Variants in SORCS1 observed in about 807,000 individuals in gnomAD.
SORCS1 encodes the protein VPS10 domain-containing receptor SorCS1.
A neutral mutation model predicts 146.1 loss-of-function variants in SORCS1; 60 were observed. The ratio of observed to expected loss-of-function variants is 0.41; its 90% CI spans 0.33 to 0.51. The LOEUF is 0.51. SORCS1 is among the 20% of genes least tolerant of loss of function. SORCS1 has a pLI of 0.21. For synonymous variants in SORCS1, 637 were observed against 584.0 expected (o/e 1.09, Z -1.31); for missense variants, 1,352 against 1,487.6 (o/e 0.91, Z 1.50).
chr10:106,998,446 G>A (rs1394188237), intron 1 of SORCS1, among the ~76,000 whole-genome samples: 1 of 152,152 alleles, frequency 6.6e-6, no homozygotes, highest in Non-Finnish European at 1.5e-5. Flanking sequence ...ACCTAGGTAG[G>A]GGTGGGATAA....
intron 21 of SORCS1, among the ~76,000 whole-genome samples, chr10:106,614,062 T>C (rs911005257): frequency 4.6e-5 from 7 of 152,176 alleles, no homozygotes; most frequent in African/African-American, 1.4e-4. Context: ...TTTGTTTTCA[T>C]TGATATGTCC....
chr10:106,829,556 T>C lies in SORCS1; in HGVS notation c.726+18A>G, dbSNP rs1948449886. 1.3e-6 allele frequency: 2 copies of C among 1,547,364 alleles called. No homozygotes were observed. Among genetic ancestry groups the C allele is most frequent in the African/African-American group, 1.4e-5 (1 of 74,028 alleles). On this transcript the variant is annotated intron_variant, in intron 3 of 25. Transcript: ENST00000263054. ...GTCACATCATGAATGAGTAGCATGC[T>C]GAATATACATTTCTTACCTTACGCT...
intron 2 of SORCS1, among the ~76,000 whole-genome samples, chr10:106,861,421 T>C (rs902528814): frequency 1.2e-4 from 17 of 146,816 alleles, no homozygotes; most frequent in African/African-American, 4.3e-4. Flanking sequence ...AAAAAAAGAA[T>C]ATGCGAAAAT....
intron 1 of SORCS1, among the ~76,000 whole-genome samples, chr10:107,024,190 AAAAG>A (rs1454152507): frequency 1.9e-4 from 29 of 149,518 alleles, no homozygotes; most frequent in African/African-American, 5.6e-4. Flanking sequence ...AAAAAAAAAA[AAAAG>A]AAGAAGAGAG....
At chr10:106,604,765 T>C (rs1846459033) in intron 23 of SORCS1, among the ~76,000 whole-genome samples, 1 of 152,316 alleles carries the variant, frequency 6.6e-6, no homozygotes, top group Non-Finnish European at 1.5e-5. Flanking sequence ...TACCAGTCTA[T>C]TTAATAGGCC....
At chr10:106,744,206 G>C (rs538933898) in intron 5 of SORCS1, among the ~76,000 whole-genome samples, 1 of 152,112 alleles carries the variant, frequency 6.6e-6, no homozygotes. Flanking sequence ...CTGGGTTCAC[G>C]CCATTCTCCT....
chr10:106,592,709 G>T (rs1224155679), intron 24 of SORCS1, among the ~76,000 whole-genome samples: 2 of 151,760 alleles, frequency 1.3e-5, no homozygotes, highest in East Asian at 3.9e-4. Flanking sequence ...GCCTACAGGG[G>T]GGATGAGAGA....
chr10:106,962,526 C>T (rs1390430923), intron 1 of SORCS1, among the ~76,000 whole-genome samples: 1 of 151,800 alleles, frequency 6.6e-6, no homozygotes, highest in African/African-American at 2.4e-5. Flanking sequence ...AGTATCAAAT[C>T]TCAAAAGAAA....
intron 6 of SORCS1, among the ~76,000 whole-genome samples, chr10:106,721,487 A>T (rs1170729318): frequency 1.3e-5 from 2 of 152,198 alleles, no homozygotes; most frequent in Admixed American, 1.3e-4. Context: ...AAACAAATAA[A>T]AATTCTCAAC....
intron 4 of SORCS1, among the ~76,000 whole-genome samples, chr10:106,762,263 G>A (rs1051864673): frequency 6.6e-6 from 1 of 151,994 alleles, no homozygotes; most frequent in African/African-American, 2.4e-5. Flanking sequence ...AAGATAGACA[G>A]GGACAAGATA....
chr10:106,790,853 T>A (rs1946284233), intron 3 of SORCS1, among the ~76,000 whole-genome samples: 1 of 152,218 alleles, frequency 6.6e-6, no homozygotes, highest in Admixed American at 6.5e-5. Context: ...TTTCATTTAG[T>A]CATATTATTT....
intron 2 of SORCS1, among the ~76,000 whole-genome samples, chr10:106,847,501 G>T (rs1449298669): frequency 7.2e-5 from 1 of 13,800 alleles, no homozygotes; most frequent in Non-Finnish European, 1.8e-4. Flanking sequence ...CTTGCTAGCG[G>T]TCTATCAATT....
chr10:106,685,867 T>C (rs1264470785), intron 10 of SORCS1, among the ~76,000 whole-genome samples: 1 of 152,218 alleles, frequency 6.6e-6, no homozygotes, highest in Non-Finnish European at 1.5e-5. Flanking sequence ...TGATAACATT[T>C]ACACACAATT....
At chr10:106,832,780 G>GAGACAAGAAAATGGTTCAATTTTCCT (rs1948609936) in intron 2 of SORCS1, among the ~76,000 whole-genome samples, 1 of 152,054 alleles carries the variant, frequency 6.6e-6, no homozygotes. Flanking sequence ...GACTACATGA[G>GAGACAAGAAAATGGTTCAATTTTCCT]AGACAAGAAA....
chr10:106,959,803 G>A (rs1034067930), intron 1 of SORCS1, among the ~76,000 whole-genome samples: 3 of 152,178 alleles, frequency 2.0e-5, no homozygotes, highest in Admixed American at 1.3e-4. Flanking sequence ...AGGACACTGC[G>A]TCCAGCTTTC....
rs142604697 is a variant in SORCS1 at position 106,679,799 on chromosome 10, T to C, written c.1561-65A>G. The C allele has an allele frequency of 9.8e-4, 1,246 of 1,274,714 alleles. 8 individuals are homozygous for C. In the African/African-American group the frequency reaches 0.015, roughly 16 times the overall value. 79.0% of individuals were successfully genotyped at this position (1,274,714 alleles called of 1,614,324 possible). On this transcript the variant is annotated intron_variant, in intron 10 of 25. Coordinates refer to ENST00000263054, the MANE Select transcript of SORCS1 (RefSeq NM_052918.5). ...CAAAATGGTCATTTGAAGCTCAGAA[T>C]CAGATCATCCATCCATCTAACCAAC... is the stretch of plus-strand genomic sequence containing the variant.
chr10:106,838,759 G>A (rs529978781), intron 2 of SORCS1, among the ~76,000 whole-genome samples: 24 of 152,266 alleles, frequency 1.6e-4, no homozygotes, highest in African/African-American at 5.8e-4. Context: ...CCTGCAGGGA[G>A]CAAGTCTATT....
At chr10:106,739,950 CAA>C (rs1226313224) in intron 5 of SORCS1, among the ~76,000 whole-genome samples, 27 of 58,192 alleles carry the variant, frequency 4.6e-4, no homozygotes, top group Admixed American at 7.8e-4. Context: ...GACTCTGTCT[CAA>C]AAAAAAAAAA....
At chr10:107,072,021 G>T (rs7898245) in intron 1 of SORCS1, among the ~76,000 whole-genome samples, 78,860 of 152,052 alleles carry the variant, frequency 0.52, 21,884 homozygotes, top group African/African-American at 0.7. Flanking sequence ...TGGAACACCA[G>T]GCAATTTGTT....
Sources: allele counts gnomAD v4.1 joint callset (sites outside exome capture counted in the v4.1 genomes callset), GRCh38; gene constraint gnomAD v4.1.1; transcripts MANE v1.5; gene names NCBI Gene and HGNC (gene_info 2026-07-23, HGNC 2026-07-21).